MED15: variants seen among roughly 807,000 people sequenced by gnomAD.
The protein encoded by MED15 is mediator complex subunit 15.
A neutral mutation model predicts 118.7 loss-of-function variants in MED15; 41 were observed. The ratio of observed to expected loss-of-function variants is 0.35; its 90% CI spans 0.27 to 0.45. The LOEUF is 0.45. MED15 is among the 20% of genes least tolerant of loss of function. MED15 has a pLI of 1.00. For synonymous variants in MED15, 436 were observed against 413.9 expected (o/e 1.05, Z -0.65); for missense variants, 740 against 1,025.5 (o/e 0.72, Z 3.80).
intron 7 of MED15, among the ~76,000 whole-genome samples, 195 bp from the exon 8 acceptor site, chr22:20,568,326 T>C (rs1306368483): frequency 6.6e-6 from 1 of 152,098 alleles, no homozygotes; most frequent in Non-Finnish European, 1.5e-5. Context: ...GAGGGCCACA[T>C]TGCCACTTGC....
Position 20,554,985 on chromosome 22 carries a change from C to A in MED15, c.288C>A (p.Ala96=). 1.9e-6 allele frequency: 3 copies of A among 1,611,362 alleles called. No homozygotes were observed. Among genetic ancestry groups the A allele is most frequent in the Non-Finnish European group, 2.5e-6 (3 of 1,179,982 alleles). The change falls in exon 5 of 18, where the codon GCC becomes GCA. Residue 96 remains alanine (A), a synonymous_variant. Coordinates refer to ENST00000263205, the MANE Select transcript of MED15 (RefSeq NM_001003891.3). ...QSLTGGPAAG[A]AGIGMPPRGP... The stretch of plus-strand genomic sequence containing the variant: ...TGACTGGCGGACCTGCTGCGGGAGC[C>A]GCTGGAATTGGCATGCCTCCTCGGG...
At chr22:20,536,792 G>T (rs188472561) in intron 1 of MED15, among the ~76,000 whole-genome samples, 4 of 152,190 alleles carry the variant, frequency 2.6e-5, no homozygotes, top group African/African-American at 9.7e-5. Context: ...AGTCTAATGC[G>T]TACTTCCTTG....
At chr22:20,525,149 T>A (rs2054587877) in intron 1 of MED15, among the ~76,000 whole-genome samples, 1 of 151,962 alleles carries the variant, frequency 6.6e-6, no homozygotes, top group South Asian at 2.1e-4. Context: ...AAAATAATTT[T>A]AAAAAATTAG....
chr22:20,564,141 A>G (rs2056344927), intron 5 of MED15, among the ~76,000 whole-genome samples: 3 of 152,248 alleles, frequency 2.0e-5, no homozygotes. Context: ...GGAAGTGGCC[A>G]ATCCATAGAG....
At chr22:20,537,699 G>A (rs1023014666) in intron 2 of MED15, among the ~76,000 whole-genome samples, 1 of 152,250 alleles carries the variant, frequency 6.6e-6, no homozygotes, top group Admixed American at 6.5e-5. Context: ...TCCACTATAT[G>A]TGGGCTTTCT....
chr22:20,514,158 G>T (rs187104646), intron 1 of MED15, among the ~76,000 whole-genome samples: 1 of 152,262 alleles, frequency 6.6e-6, no homozygotes, highest in East Asian at 1.9e-4. Flanking sequence ...GAGCCACCGT[G>T]CTTGCCTTTG....
intron 17 of MED15, 45 bp downstream of exon 17, chr22:20,585,871 G>A (rs1320771828): frequency 1.9e-6 from 3 of 1,579,046 alleles, no homozygotes; most frequent in Non-Finnish European, 2.6e-6. Context: ...GGGCAAGCAG[G>A]GGTCATTGTG....
chr22:20,548,098 C>G (rs1039425865), intron 2 of MED15, among the ~76,000 whole-genome samples: 3 of 152,132 alleles, frequency 2.0e-5, no homozygotes, highest in Non-Finnish European at 4.4e-5. Context: ...CTACTTTATC[C>G]TTCCAAGTAG....
Position 20,585,798 on chromosome 22 carries a change from G to A in MED15, c.2202G>A (p.Pro734=), listed in dbSNP as rs2285699. 0.07 allele frequency: 112,767 copies of A among 1,613,066 alleles called. 6,956 individuals carry two copies. Among genetic ancestry groups the A allele is most frequent in the East Asian group, 0.38 (16,984 of 44,852 alleles). ...SVPADYPAQS[P]LWIDRQWQYD... Reference sequence around the variant, plus strand: ...CCGCTGACTATCCTGCCCAAAGCCCGCTGTGGATAGACCGGCAGTGGCAGT... The same window carrying A: ...CCGCTGACTATCCTGCCCAAAGCCCACTGTGGATAGACCGGCAGTGGCAGT... The change falls in exon 17 of 18, where the codon CCG becomes CCA. Residue 734 remains proline, a synonymous_variant. Coordinates refer to ENST00000263205, the MANE Select transcript of MED15 (RefSeq NM_001003891.3).
chr22:20,551,567 G>T, intron 3 of MED15, 80 bp downstream of exon 3: 1 of 1,387,892 alleles, frequency 7.2e-7, no homozygotes, highest in South Asian at 1.2e-5. Context: ...AGAGCTTTCT[G>T]GGCAGGCCGT....
chr22:20,586,135 G>C (rs1305531398), intron 17 of MED15, among the ~76,000 whole-genome samples: 2 of 152,334 alleles, frequency 1.3e-5, no homozygotes, highest in Middle Eastern at 3.4e-3. Context: ...GACAGTCCCC[G>C]CTCTTCCCAG....
chr22:20,571,053 C>T (rs1284512237), intron 8 of MED15, among the ~76,000 whole-genome samples: 1 of 152,188 alleles, frequency 6.6e-6, no homozygotes, highest in Admixed American at 6.5e-5. Flanking sequence ...AGCCACTGTG[C>T]CCAGCCGAAC....
chr22:20,575,234 T>C lies in MED15; in HGVS notation c.1272+2T>C. On this transcript the variant is annotated splice_donor_variant, in intron 9 of 17. Transcript: ENST00000263205. LOFTEE classifies it high-confidence loss of function. ...TTGGGCAGACAGCCCATGGCACAGGTATTTACGGGGCAGCGCCCAGGGCAC... is the reference window on the plus strand; with the variant it reads ...TTGGGCAGACAGCCCATGGCACAGGCATTTACGGGGCAGCGCCCAGGGCAC... 1 of 1,613,384 alleles carries C rather than the reference T, an allele frequency of 6.2e-7. No individual in the cohort carries two copies. The highest frequency in any genetic ancestry group is 1.1e-5 in the South Asian group (1 of 91,084).
rs961239724 is a variant in MED15 at position 20,529,038 on chromosome 22, C to T, written c.69-8079C>T. Among the ~76,000 whole-genome samples the T allele has an allele frequency of 4.6e-5, 7 of 152,168 alleles. No individual in the cohort carries two copies. In the East Asian group the frequency reaches 1.3e-3, roughly 29 times the overall value. On this transcript the variant is annotated intron_variant, in intron 1 of 17. Coordinates refer to ENST00000263205, the MANE Select transcript of MED15 (RefSeq NM_001003891.3). ...TGTCACTGGGTGGGCGCACCCCCTC[C>T]TCACTGTTACTTAGGACTCTGGTTT...
intron 1 of MED15, among the ~76,000 whole-genome samples, chr22:20,530,583 G>C (rs2146413170): frequency 6.6e-6 from 1 of 152,094 alleles, no homozygotes; most frequent in African/African-American, 2.4e-5. Flanking sequence ...GTGGCAGGGG[G>C]AGCAGTGGTA....
chr22:20,521,692 G>T (rs1445660592), intron 1 of MED15, among the ~76,000 whole-genome samples: 1 of 139,308 alleles, frequency 7.2e-6, no homozygotes, highest in Non-Finnish European at 1.6e-5. Flanking sequence ...CACTGCGCCT[G>T]GCCTTATTTA....
chr22:20,559,271 A>G (rs2056136968), intron 5 of MED15, among the ~76,000 whole-genome samples: 1 of 152,246 alleles, frequency 6.6e-6, no homozygotes, highest in Non-Finnish European at 1.5e-5. Context: ...AGAAATGAGC[A>G]ATATAATTAT....
rs551261780 is a variant in MED15 at position 20,575,248 on chromosome 22, C to T, written c.1272+16C>T. On this transcript the variant is annotated intron_variant, in intron 9 of 17. Transcript: ENST00000263205. ...CATGGCACAGGTATTTACGGGGCAGCGCCCAGGGCACGGCTGGGAGCTCGG... is the reference window on the plus strand; with the variant it reads ...CATGGCACAGGTATTTACGGGGCAGTGCCCAGGGCACGGCTGGGAGCTCGG... 1.3e-5 allele frequency: 21 copies of T among 1,611,954 alleles called. No homozygotes were observed. In the East Asian group the frequency reaches 1.8e-4, roughly 14 times the overall value.
intron 1 of MED15, chr22:20,518,843 T>A (rs761124754): frequency 6.6e-5 from 30 of 453,418 alleles, no homozygotes; most frequent in Non-Finnish European, 1.1e-4. Flanking sequence ...ATTTTCTTTT[T>A]GAGACATTCA....
Sources: allele counts gnomAD v4.1 joint callset (sites outside exome capture counted in the v4.1 genomes callset), GRCh38; gene constraint gnomAD v4.1.1; transcripts MANE v1.5; gene names NCBI Gene and HGNC (gene_info 2026-07-23, HGNC 2026-07-21).